ZFHX3: variants seen among roughly 807,000 people sequenced by gnomAD.
ZFHX3 encodes zinc finger homeobox protein 3.
ZFHX3 carries 42 observed loss-of-function variants against 279.1 expected under a neutral mutation model. The ratio of observed to expected loss-of-function variants is 0.15; its 90% CI spans 0.12 to 0.19. The LOEUF (loss-of-function observed/expected upper bound fraction) is 0.19, where lower values mean the gene tolerates loss of function less well. Ranked by LOEUF, ZFHX3 falls within the 10% of genes least tolerant of loss-of-function variation. The pLI, the probability that ZFHX3 is intolerant of heterozygous loss-of-function variation, is 1.00. For missense variants in ZFHX3, 4,981 were observed against 4,754.0 expected (o/e 1.05, Z -1.40); for synonymous variants, 2,293 against 1,957.8 (o/e 1.17, Z -4.52).
At chr16:73,501,559 T>C (rs1384518076) in intron 2 of ZFHX3, among the ~76,000 whole-genome samples, 2 of 152,194 alleles carry the variant, frequency 1.3e-5, no homozygotes, top group Non-Finnish European at 2.9e-5. Flanking sequence ...CATTGCTGGA[T>C]TGAAACTGAC....
intron 3 of ZFHX3, among the ~76,000 whole-genome samples, chr16:73,443,527 CA>C (rs148352428): frequency 0.023 from 3,561 of 152,246 alleles, 275 homozygotes; most frequent in Admixed American, 0.14. Flanking sequence ...CTTTGCCTGA[CA>C]AAAAGTTATT....
At chr16:73,699,265 ACTCT>A (rs1199218753) in intron 1 of ZFHX3, among the ~76,000 whole-genome samples, 3 of 152,064 alleles carry the variant, frequency 2.0e-5, no homozygotes, top group Non-Finnish European at 4.4e-5. Context: ...GTGTAAGGAA[ACTCT>A]CTCTGCTACG....
intron 5 of ZFHX3, among the ~76,000 whole-genome samples, chr16:73,186,069 T>C (rs1967901294): frequency 6.6e-6 from 1 of 151,754 alleles, no homozygotes; most frequent in African/African-American, 2.4e-5. Context: ...TGATGATCTG[T>C]CACTGTCTCC....
chr16:73,036,337 G>C (rs1246779826), intron 1 of ZFHX3, among the ~76,000 whole-genome samples: 1 of 152,182 alleles, frequency 6.6e-6, no homozygotes, highest in African/African-American at 2.4e-5. Flanking sequence ...GATGCGGAAG[G>C]CCGGTCCAGA....
intron 1 of ZFHX3, among the ~76,000 whole-genome samples, chr16:73,758,181 C>G (rs138178515): frequency 5.0e-4 from 76 of 152,236 alleles, no homozygotes; most frequent in African/African-American, 1.8e-3. Context: ...CTGGTTGTTA[C>G]AAAGTTCATT....
At position 73,438,080 on chromosome 16, in the gene ZFHX3, T is replaced by TA. The variant is rs112284085; in HGVS notation, c.-1291+17922dup. Among the ~76,000 whole-genome samples, 570 of 146,024 alleles carry TA rather than the reference T, an allele frequency of 3.9e-3. 4 individuals are homozygous for TA. Among genetic ancestry groups the TA allele is most frequent in the African/African-American group, 0.011 (427 of 40,124 alleles). On this transcript the variant is annotated intron_variant, in intron 3 of 17. Coordinates refer to the ZFHX3 transcript ENST00000641206. ...AGTGGTTCTGGGATCGCTCTAAACC[T>TA]AAAAAAAAAAATGGCAAATGTGGGT...
intron 1 of ZFHX3, among the ~76,000 whole-genome samples, chr16:73,751,708 A>G (rs2053763879): frequency 6.6e-6 from 1 of 152,184 alleles, no homozygotes; most frequent in Admixed American, 6.5e-5. Flanking sequence ...TCCTGAGAGA[A>G]TCATAAAGTA....
In ZFHX3 at chr16:72,787,243, G is replaced by C; in HGVS notation, c.11033C>G (p.Pro3678Arg). Residue 3678 changes from proline to arginine, a missense_variant, in exon 10 of 10, where the codon CCG (proline) becomes CGG (arginine). Pro to Arg is a moderately radical substitution (Grantham distance 103). Transcript: ENST00000268489. ...LSQKSDGPAS[P>R]VEGPKDPSCP... ...GCTGGGGTCTTTGGGACCCTCCACC[G>C]GGCTCGCCGGTCCGTCGGACTTTTG... The C allele has an allele frequency of 1.2e-6, 2 of 1,613,992 alleles. No individual in the cohort carries two copies. Among genetic ancestry groups the C allele is most frequent in the Non-Finnish European group, 1.7e-6 (2 of 1,180,002 alleles).
intron 7 of ZFHX3, among the ~76,000 whole-genome samples, chr16:73,121,090 A>G (rs1966493611): frequency 6.6e-6 from 1 of 152,190 alleles, no homozygotes; most frequent in African/African-American, 2.4e-5. Context: ...TGAATTTTCT[A>G]CTTTATTTCA....
At chr16:73,179,577 G>A (rs1483472232) in intron 5 of ZFHX3, among the ~76,000 whole-genome samples, 1 of 152,122 alleles carries the variant, frequency 6.6e-6, no homozygotes, top group East Asian at 1.9e-4. Flanking sequence ...CATTTTTGTA[G>A]AGGGCTCAAA....
In ZFHX3 at chr16:73,430,948, G is replaced by T. The variant is rs567960806; in HGVS notation, c.-1291+25055C>A. Among the ~76,000 whole-genome samples the T allele has an allele frequency of 7.9e-5, 12 of 152,286 alleles. No individual in the cohort carries two copies. In the South Asian group the frequency reaches 2.5e-3, roughly 32 times the overall value. On this transcript the variant is annotated intron_variant, in intron 3 of 17. Transcript: ENST00000641206. ...TGGGGACAAAATGGGTCAGCTAGTG[G>T]GTCACAATTGTGCCTGCTCTAGAAC...
intron 3 of ZFHX3, among the ~76,000 whole-genome samples, chr16:73,418,331 C>T (rs910666348): frequency 2.1e-5 from 3 of 140,436 alleles, no homozygotes; most frequent in African/African-American, 7.3e-5. Flanking sequence ...GGGCAGCCGC[C>T]CTACAGGCTC....
chr16:73,360,121 G>A (rs181385425), intron 3 of ZFHX3, among the ~76,000 whole-genome samples: 7 of 152,278 alleles, frequency 4.6e-5, no homozygotes, highest in Admixed American at 4.6e-4. Flanking sequence ...CTGTGCCTCA[G>A]GTTCCTTACA....
intron 2 of ZFHX3, among the ~76,000 whole-genome samples, chr16:73,540,042 G>A (rs1182465495): frequency 2.6e-5 from 4 of 152,156 alleles, no homozygotes; most frequent in East Asian, 1.9e-4. Flanking sequence ...CAGTACTTAC[G>A]CTGCCATAAG....
intron 5 of ZFHX3, among the ~76,000 whole-genome samples, chr16:73,204,192 C>CG (rs1567417650): frequency 6.6e-6 from 1 of 151,392 alleles, no homozygotes; most frequent in Non-Finnish European, 1.5e-5. Flanking sequence ...GACTATGGGT[C>CG]GGGGGTAGGG....
intron 2 of ZFHX3, among the ~76,000 whole-genome samples, chr16:73,669,840 G>A (rs139253328): frequency 2.0e-5 from 3 of 152,000 alleles, no homozygotes; most frequent in Non-Finnish European, 4.4e-5. Flanking sequence ...GCTTTGCTGG[G>A]GTATTTTTTT....
chr16:72,842,541 G>A (rs1393539176), intron 4 of ZFHX3, among the ~76,000 whole-genome samples: 2 of 152,182 alleles, frequency 1.3e-5, no homozygotes, highest in Non-Finnish European at 2.9e-5. Flanking sequence ...TAATCAAAGG[G>A]CAGTGCAACA....
At chr16:72,909,891 A>ATTT (rs2039276203) in intron 3 of ZFHX3, among the ~76,000 whole-genome samples, 3 of 150,250 alleles carry the variant, frequency 2.0e-5, no homozygotes, top group African/African-American at 7.5e-5. Flanking sequence ...AAAAAAAAAA[A>ATTT]AAAAAAAAAT....
intron 5 of ZFHX3, among the ~76,000 whole-genome samples, chr16:73,225,562 C>G (rs985235295): frequency 5.9e-5 from 9 of 151,910 alleles, no homozygotes; most frequent in Non-Finnish European, 1.2e-4. Flanking sequence ...TGCCTTCCAG[C>G]TTGGGTGATG....
Sources: gnomAD v4.1 joint callset for allele counts (sites outside exome capture counted in the v4.1 genomes callset) on GRCh38, gnomAD v4.1.1 for gene constraint, MANE v1.5 for transcripts, NCBI Gene and HGNC (gene_info 2026-07-23, HGNC 2026-07-21) for gene names.